The following XPOT variants were observed in gnomAD, a reference collection of about 807,000 sequenced individuals.
The protein encoded by XPOT is exportin-T.
A neutral mutation model predicts 128.2 loss-of-function variants in XPOT; 34 were observed. That is an observed-to-expected ratio of 0.27 (90% CI 0.20 to 0.35). The LOEUF (loss-of-function observed/expected upper bound fraction) is 0.35, where lower values mean the gene tolerates loss of function less well. XPOT is among the 10% of genes least tolerant of loss of function. The pLI is 1.00. For synonymous variants in XPOT, 348 were observed against 394.3 expected (o/e 0.88, Z 1.39); for missense variants, 838 against 1,125.3 (o/e 0.74, Z 3.65).
At chr12:64,425,935 G>A (rs1022477752) in intron 15 of XPOT, 26 bp downstream of exon 15, 1 of 1,592,978 alleles carries the variant, frequency 6.3e-7, no homozygotes, top group Non-Finnish European at 8.6e-7. Flanking sequence ...CAGCTATTAT[G>A]TTTAGTTATT....
intron 2 of XPOT, among the ~76,000 whole-genome samples, chr12:64,411,180 G>T (rs1399368062): frequency 6.6e-6 from 1 of 152,152 alleles, no homozygotes; most frequent in Non-Finnish European, 1.5e-5. Context: ...GACATCAAAA[G>T]ACATTTAAAA....
At chr12:64,448,018 C>A in intron 24 of XPOT, 87 bp from the exon 25 acceptor site, 1 of 1,185,524 alleles carries the variant, frequency 8.4e-7, no homozygotes, top group Non-Finnish European at 1.3e-6. Context: ...AAGAACATTG[C>A]TAGCACTCAG....
chr12:64,426,083 C>T (rs868631944), intron 15 of XPOT, among the ~76,000 whole-genome samples, 174 bp downstream of exon 15: 4 of 151,722 alleles, frequency 2.6e-5, no homozygotes, highest in Non-Finnish European at 5.9e-5. Flanking sequence ...TCTGGGAGGC[C>T]GATCACAAGG....
At chr12:64,439,620 A>T (rs954063684) in intron 23 of XPOT, among the ~76,000 whole-genome samples, 3 of 152,186 alleles carry the variant, frequency 2.0e-5, no homozygotes, top group Non-Finnish European at 4.4e-5. Context: ...GCATTTTTTT[A>T]AAAAAACATT....
At chr12:64,447,455 TTTGAC>T (rs1336542277) in intron 24 of XPOT, among the ~76,000 whole-genome samples, 1 of 152,228 alleles carries the variant, frequency 6.6e-6, no homozygotes, top group African/African-American at 2.4e-5. Context: ...TATGTTTAGC[TTTGAC>T]TTGTTTCCTC....
Position 64,428,868 on chromosome 12 carries a change from T to C in XPOT, c.1737+748T>C, listed in dbSNP as rs950034111. 5.9e-5 allele frequency among the ~76,000 whole-genome samples: 9 copies of C among 152,326 alleles called. No homozygotes were observed. In the East Asian group the frequency reaches 1.7e-3, roughly 29 times the overall value. On this transcript the variant is annotated intron_variant, in intron 16 of 24. Transcript: ENST00000332707. ...AACAGTTATAAAAATGACAGTTACA[T>C]GTGTAAAACAGGAGCAGACAAACTG...
intron 4 of XPOT, among the ~76,000 whole-genome samples, 198 bp from the exon 5 acceptor site, chr12:64,417,848 A>G (rs921038333): frequency 6.6e-6 from 1 of 152,242 alleles, no homozygotes; most frequent in Non-Finnish European, 1.5e-5. Context: ...CAAATTAAAG[A>G]TTGATATTGA....
chr12:64,440,656 A>T (rs2040317618), intron 23 of XPOT, among the ~76,000 whole-genome samples: 1 of 152,174 alleles, frequency 6.6e-6, no homozygotes, highest in Non-Finnish European at 1.5e-5. Context: ...TAGCCATTCT[A>T]ACAGGTGTGA....
chr12:64,421,116 A>G (rs1282772635), intron 8 of XPOT, 119 bp from the exon 9 acceptor site: 1 of 813,982 alleles, frequency 1.2e-6, no homozygotes, highest in East Asian at 2.4e-5. Flanking sequence ...ATTGTTAAAT[A>G]TATGACGTCA....
rs1265745377 is a variant in XPOT, at chr12:64,421,439, TTTTG to T, written c.1051_1054del (p.Cys351ThrfsTer7). 6.2e-7 allele frequency: 1 copy of T among 1,613,400 alleles called. No homozygotes were observed. Among genetic ancestry groups the T allele is most frequent in the Non-Finnish European group, 8.5e-7 (1 of 1,179,482 alleles). ...TGATATTTCTTCTAATATTATTGGA[TTTTG>T]TTACGATTATCTTCATATTTTGAAA... is the stretch of plus-strand genomic sequence containing the variant. On this transcript the variant is annotated frameshift_variant, in exon 9 of 25. Coordinates refer to ENST00000332707, the MANE Select transcript of XPOT (RefSeq NM_007235.6). LOFTEE classifies it high-confidence loss of function.
intron 12 of XPOT, 46 bp from the exon 13 acceptor site, chr12:64,424,992 T>C: frequency 6.2e-7 from 1 of 1,608,018 alleles, no homozygotes; most frequent in Non-Finnish European, 8.5e-7. Context: ...ATTTGCTGTA[T>C]GAAAAATTTA....
chr12:64,428,165 A>G, intron 16 of XPOT, 45 bp downstream of exon 16: 1 of 1,328,672 alleles, frequency 7.5e-7, no homozygotes, highest in South Asian at 1.2e-5. Context: ...AATTCATTGA[A>G]GCCACACGTG....
At chr12:64,404,931 C>T (rs1186330635) in intron 1 of XPOT, 127 bp downstream of exon 1, 2 of 152,108 alleles carry the variant, frequency 1.3e-5, no homozygotes, top group African/African-American at 4.8e-5. Context: ...GCTTGGGACC[C>T]TCTATGGCGG....
At chr12:64,427,045 C>A (rs1260357650) in intron 15 of XPOT, among the ~76,000 whole-genome samples, 2 of 150,624 alleles carry the variant, frequency 1.3e-5, no homozygotes, top group African/African-American at 4.9e-5. Flanking sequence ...TTTCCAAGAG[C>A]CTATGGTAGA....
chr12:64,428,202 TAA>T lies in XPOT; in HGVS notation c.1737+92_1737+93del, dbSNP rs56063305. ...CATTAGCCTTGCCTTTGTTGGCATT[TAA>T]AAAAAAAAATTGGTGGTGGAGGGAA... On this transcript the variant is annotated intron_variant, in intron 16 of 24. Transcript: ENST00000332707. The T allele has an allele frequency of 4.0e-4, 313 of 783,192 alleles. 1 individual carries two copies. Among genetic ancestry groups the T allele is most frequent in the Admixed American group, 1.4e-3 (45 of 31,168 alleles). 48.5% of individuals were successfully genotyped at this position (783,192 alleles called of 1,614,324 possible).
intron 15 of XPOT, 70 bp downstream of exon 15, chr12:64,425,979 A>G (rs980961827): frequency 2.8e-6 from 4 of 1,409,176 alleles, no homozygotes; most frequent in Non-Finnish European, 4.0e-6. Flanking sequence ...AAACAATAGT[A>G]AAGACATGGA....
intron 10 of XPOT, 68 bp downstream of exon 10, chr12:64,423,111 G>A (rs997797522): frequency 6.9e-6 from 11 of 1,595,542 alleles, no homozygotes; most frequent in Non-Finnish European, 8.5e-6. Context: ...TTGAAATGTA[G>A]CTTAATTTCA....
At position 64,435,634 on chromosome 12, in the gene XPOT, C is replaced by G; in HGVS notation, c.2693C>G (p.Ser898Cys). 6.3e-7 allele frequency: 1 copy of G among 1,596,134 alleles called. No individual in the cohort carries two copies. The highest frequency in any genetic ancestry group is 8.6e-7 in the Non-Finnish European group (1 of 1,169,534). Residue 898 changes from serine (S) to cysteine (C), a missense_variant, in exon 22 of 25, where the codon TCT (serine) becomes TGT (cysteine). Ser to Cys is a moderately radical substitution (Grantham distance 112). Coordinates refer to ENST00000332707, the MANE Select transcript of XPOT (RefSeq NM_007235.6). ...LADAQTVLAL[S>C]ECAVTLKTIH... Reference sequence around the variant, plus strand: ...TAAACTTGTTTTTCACAGGCTTTATCTGAGTGTGCAGTGACACTGAAAACA... The same window carrying G: ...TAAACTTGTTTTTCACAGGCTTTATGTGAGTGTGCAGTGACACTGAAAACA...
intron 24 of XPOT, among the ~76,000 whole-genome samples, chr12:64,446,387 C>T (rs193291238): frequency 3.9e-5 from 6 of 152,242 alleles, no homozygotes; most frequent in Admixed American, 2.0e-4. Context: ...GAATTTCATT[C>T]GTGTTCACTC....
Sources: allele counts gnomAD v4.1 joint callset (sites outside exome capture counted in the v4.1 genomes callset), GRCh38; gene constraint gnomAD v4.1.1; transcripts MANE v1.5; gene names NCBI Gene and HGNC (gene_info 2026-07-23, HGNC 2026-07-21).